The following F13A1 variants were observed in gnomAD, a reference collection of about 807,000 sequenced individuals.
F13A1 encodes the protein FSF, A subunit.
A neutral mutation model predicts 80.1 loss-of-function variants in F13A1; 47 were observed. The ratio of observed to expected loss-of-function variants is 0.59; its 90% CI spans 0.46 to 0.75. F13A1 has a LOEUF of 0.75. Among genes scored for constraint, F13A1 ranks in the 30% least tolerant of loss-of-function variants. The pLI is 0.00. For synonymous variants in F13A1, 349 were observed against 344.9 expected (o/e 1.01, Z -0.13); for missense variants, 817 against 930.4 (o/e 0.88, Z 1.59).
intron 2 of F13A1, among the ~76,000 whole-genome samples, chr6:6,315,218 G>T (rs2113201724): frequency 6.6e-6 from 1 of 152,338 alleles, no homozygotes; most frequent in Middle Eastern, 3.4e-3. Context: ...AGACCAGGAA[G>T]GCAGTGGAGA....
At chr6:6,312,399 C>G (rs529232139) in intron 2 of F13A1, among the ~76,000 whole-genome samples, 1 of 145,286 alleles carries the variant, frequency 6.9e-6, no homozygotes, top group Admixed American at 7.1e-5. Context: ...GGGCCGGGCG[C>G]GGTGGCTCAT....
intron 10 of F13A1, among the ~76,000 whole-genome samples, chr6:6,188,000 T>C (rs148497965): frequency 0.16 from 23,541 of 150,816 alleles, 2,037 homozygotes; most frequent in Middle Eastern, 0.23. Context: ...TATTTTCTAG[T>C]TTATTTGCAT....
chr6:6,190,409 ATGTCCT>A (rs1326441261), intron 10 of F13A1, among the ~76,000 whole-genome samples: 1 of 151,456 alleles, frequency 6.6e-6, no homozygotes, highest in Non-Finnish European at 1.5e-5. Flanking sequence ...TTTGGTGTGG[ATGTCCT>A]TTCTGTTTGT....
At chr6:6,201,638 C>G (rs1761396058) in intron 8 of F13A1, among the ~76,000 whole-genome samples, 12 of 152,200 alleles carry the variant, frequency 7.9e-5, no homozygotes, top group Admixed American at 7.9e-4. Flanking sequence ...TAAGCATGCT[C>G]AGTTTTTTAT....
intron 6 of F13A1, among the ~76,000 whole-genome samples, chr6:6,237,224 G>A (rs1487436308): frequency 2.6e-5 from 4 of 152,092 alleles, no homozygotes; most frequent in African/African-American, 7.2e-5. Flanking sequence ...TGCCTGCTCC[G>A]CCATTTGCCA....
intron 3 of F13A1, among the ~76,000 whole-genome samples, chr6:6,294,668 A>G (rs1029193022): frequency 6.6e-6 from 1 of 152,020 alleles, no homozygotes; most frequent in African/African-American, 2.4e-5. Flanking sequence ...CTTTGTTGGT[A>G]AGTCTCTTGT....
intron 13 of F13A1, among the ~76,000 whole-genome samples, chr6:6,152,275 C>T (rs902892106): frequency 2.6e-5 from 4 of 152,166 alleles, no homozygotes; most frequent in Admixed American, 6.5e-5. Context: ...ACGGTGAGGG[C>T]GGCCAAGTGA....
chr6:6,284,931 A>T (rs975921326), intron 3 of F13A1, among the ~76,000 whole-genome samples: 1 of 152,164 alleles, frequency 6.6e-6, no homozygotes, highest in Admixed American at 6.5e-5. Context: ...CTGGAAGGCA[A>T]CTGTATCAGT....
intron 4 of F13A1, among the ~76,000 whole-genome samples, chr6:6,251,940 G>A (rs974408725): frequency 2.6e-5 from 4 of 151,992 alleles, no homozygotes; most frequent in Non-Finnish European, 4.4e-5. Flanking sequence ...AAGCAATGGC[G>A]TGACTTATGA....
intron 4 of F13A1, 83 bp downstream of exon 4, chr6:6,266,475 G>C: frequency 6.2e-7 from 1 of 1,600,396 alleles, no homozygotes; most frequent in Non-Finnish European, 8.6e-7. Flanking sequence ...GCCTCCCAAA[G>C]AGCTGGGAGT....
intron 13 of F13A1, among the ~76,000 whole-genome samples, chr6:6,156,637 G>A (rs1412123347): frequency 6.6e-6 from 1 of 152,170 alleles, no homozygotes; most frequent in African/African-American, 2.4e-5. Flanking sequence ...CATCACCACA[G>A]GCACTGCCCC....
intron 2 of F13A1, 116 bp downstream of exon 2, chr6:6,318,419 G>T: frequency 7.9e-7 from 1 of 1,270,454 alleles, no homozygotes; most frequent in Non-Finnish European, 1.1e-6. Context: ...ATTGGCAGGG[G>T]GCTTCCTTTT....
intron 1 of F13A1, 110 bp downstream of exon 1, chr6:6,320,477 C>G (rs776257030): frequency 9.0e-6 from 3 of 332,306 alleles, no homozygotes; most frequent in African/African-American, 6.5e-5. Flanking sequence ...TGCCTGTGAC[C>G]GGCGCCACAG....
intron 2 of F13A1, among the ~76,000 whole-genome samples, chr6:6,311,953 G>A (rs938070482): frequency 6.8e-6 from 1 of 146,712 alleles, no homozygotes; most frequent in African/African-American, 2.5e-5. Context: ...TATTATTTAT[G>A]TATATATTGT....
chr6:6,298,405 G>T (rs1484890677), intron 3 of F13A1, among the ~76,000 whole-genome samples: 1 of 150,084 alleles, frequency 6.7e-6, no homozygotes, highest in Non-Finnish European at 1.5e-5. Context: ...AGGTCACTCA[G>T]GACTTGCTTT....
intron 3 of F13A1, among the ~76,000 whole-genome samples, chr6:6,291,107 C>T (rs1182549370): frequency 6.6e-6 from 1 of 152,130 alleles, no homozygotes; most frequent in Non-Finnish European, 1.5e-5. Context: ...ACCTGCTCAC[C>T]ACCTACATCT....
chr6:6,311,519 A>T (rs1758594427), intron 2 of F13A1, among the ~76,000 whole-genome samples: 1 of 69,758 alleles, frequency 1.4e-5, no homozygotes, highest in Admixed American at 1.6e-4. Context: ...AGAAAACCTA[A>T]GTCAAAAAAA....
At chr6:6,154,143 C>CA (rs5874019) in intron 13 of F13A1, among the ~76,000 whole-genome samples, 1,422 of 124,948 alleles carry the variant, frequency 0.011, 11 homozygotes, top group African/African-American at 0.019. Flanking sequence ...TACTGACGTC[C>CA]AAAAAAAAAA....
At chr6:6,276,675 G>C (rs1441168849) in intron 3 of F13A1, among the ~76,000 whole-genome samples, 1 of 152,134 alleles carries the variant, frequency 6.6e-6, no homozygotes, top group Non-Finnish European at 1.5e-5. Flanking sequence ...TTGGTCCAGA[G>C]CTGTGACTGG....
Sources: gnomAD v4.1 joint callset for allele counts (sites outside exome capture counted in the v4.1 genomes callset) on GRCh38, gnomAD v4.1.1 for gene constraint, MANE v1.5 for transcripts, NCBI Gene and HGNC (gene_info 2026-07-23, HGNC 2026-07-21) for gene names.